The following ZNF474 variants were observed in gnomAD, a reference collection of about 807,000 sequenced individuals.
ZNF474 encodes zinc finger protein 474.
For synonymous variants in ZNF474, 192 were observed against 162.2 expected (o/e 1.18, Z -1.39); for missense variants, 511 against 433.8 (o/e 1.18, Z -1.58).
intron 1 of ZNF474, among the ~76,000 whole-genome samples, chr5:122,134,902 A>T (rs1447396597): frequency 6.6e-6 from 1 of 152,102 alleles, no homozygotes. Flanking sequence ...CTTCTAGAAG[A>T]AAACACTGGG....
chr5:122,145,867 G>A (rs968043356), intron 1 of ZNF474, among the ~76,000 whole-genome samples: 10 of 152,112 alleles, frequency 6.6e-5, no homozygotes, highest in Non-Finnish European at 1.3e-4. Context: ...TGTTACATCC[G>A]TTTGAATTAT....
intron 1 of ZNF474, among the ~76,000 whole-genome samples, chr5:122,134,521 C>T (rs961449568): frequency 1.3e-5 from 2 of 152,222 alleles, no homozygotes; most frequent in Non-Finnish European, 1.5e-5. Context: ...GTAAGCCATA[C>T]ACTCTGCCAT....
At chr5:122,139,802 C>G (rs1428735427) in intron 1 of ZNF474, among the ~76,000 whole-genome samples, 1 of 152,144 alleles carries the variant, frequency 6.6e-6, no homozygotes, top group Non-Finnish European at 1.5e-5. Context: ...CGTTCCTGCC[C>G]TGGGATCCAG....
At chr5:122,142,693 T>C (rs1481309241) in intron 1 of ZNF474, among the ~76,000 whole-genome samples, 6 of 152,296 alleles carry the variant, frequency 3.9e-5, no homozygotes, top group Admixed American at 3.3e-4. Context: ...ATGTGGCCCA[T>C]GAAAGAGAGT....
chr5:122,151,616 G>C (rs1305616849), intron 1 of ZNF474, among the ~76,000 whole-genome samples, 163 bp from the exon 2 acceptor site: 1 of 151,742 alleles, frequency 6.6e-6, no homozygotes, highest in Non-Finnish European at 1.5e-5. Flanking sequence ...AATCCCATAT[G>C]CTGGTTACTG....
chr5:122,132,363 G>T (rs957027160), intron 1 of ZNF474, among the ~76,000 whole-genome samples: 2 of 151,384 alleles, frequency 1.3e-5, no homozygotes, highest in African/African-American at 4.9e-5. Flanking sequence ...AATACCATTG[G>T]GTATTTTAGA....
At chr5:122,150,141 C>A (rs922788714) in intron 1 of ZNF474, among the ~76,000 whole-genome samples, 3 of 152,044 alleles carry the variant, frequency 2.0e-5, no homozygotes, top group African/African-American at 7.3e-5. Flanking sequence ...TGGAAATAAC[C>A]CACGGGCTGG....
intron 1 of ZNF474, among the ~76,000 whole-genome samples, chr5:122,134,552 C>T (rs772474399): frequency 2.6e-5 from 4 of 152,284 alleles, no homozygotes; most frequent in Non-Finnish European, 4.4e-5. Flanking sequence ...AAGCAGTCAA[C>T]GACAAACATA....
At chr5:122,131,774 C>T (rs1272097772) in intron 1 of ZNF474, among the ~76,000 whole-genome samples, 1 of 152,000 alleles carries the variant, frequency 6.6e-6, no homozygotes, top group Admixed American at 6.6e-5. Flanking sequence ...TTTTCATGAA[C>T]TTCTTGGAGA....
rs530332130 is a variant in ZNF474 at position 122,150,527 on chromosome 5, C to T, written c.-212-1252C>T. Among the ~76,000 whole-genome samples the T allele has an allele frequency of 2.4e-4, 37 of 152,146 alleles. No homozygotes were observed. In the East Asian group the frequency reaches 3.5e-3, roughly 14 times the overall value. The stretch of plus-strand genomic sequence containing the variant: ...GCACTGTCCAAACTGAAGTGTTTGC[C>T]GTGATGTAGAGGATCCAGCTTCATA... On this transcript the variant is annotated intron_variant, in intron 1 of 1. Transcript: ENST00000296600.
At position 122,129,578 on chromosome 5, in the gene ZNF474, A is replaced by T. The variant is rs1561435238; in HGVS notation, c.-318A>T. 1 of 152,210 alleles carries T rather than the reference A, an allele frequency of 6.6e-6. No homozygotes were observed. Among genetic ancestry groups the T allele is most frequent in the Non-Finnish European group, 1.5e-5 (1 of 68,040 alleles). The allele number at this position is 152,210 out of a possible 1,614,324, so 9.4% of individuals were successfully genotyped here. ...AAAACTCACACCAGCTCCTGCAAGG[A>T]ATGTGAATCTTGGAGCTCCCAGCTA... On this transcript the variant is annotated 5_prime_UTR_variant, in exon 1 of 2. Coordinates refer to ENST00000296600, the MANE Select transcript of ZNF474 (RefSeq NM_207317.3).
intron 1 of ZNF474, among the ~76,000 whole-genome samples, chr5:122,137,922 C>G (rs771800321): frequency 2.0e-5 from 3 of 152,324 alleles, no homozygotes; most frequent in African/African-American, 4.8e-5. Context: ...GTGGTTGAAA[C>G]AGCCCACAGA....
chr5:122,148,406 C>A (rs567820217), intron 1 of ZNF474, among the ~76,000 whole-genome samples: 1 of 152,200 alleles, frequency 6.6e-6, no homozygotes, highest in Admixed American at 6.5e-5. Flanking sequence ...GATGTTTCAT[C>A]GTGTTTGCTG....
intron 1 of ZNF474, 111 bp from the exon 2 acceptor site, chr5:122,151,667 CA>C (rs199993754): frequency 2.6e-4 from 44 of 172,508 alleles, no homozygotes; most frequent in East Asian, 4.2e-4. Context: ...TTAAAACAAG[CA>C]AAAAAAAAGC....
intron 1 of ZNF474, among the ~76,000 whole-genome samples, chr5:122,137,675 G>C (rs1755737850): frequency 6.6e-6 from 1 of 151,990 alleles, no homozygotes; most frequent in African/African-American, 2.4e-5. Flanking sequence ...GATGAACATG[G>C]ATGGAGCATG....
chr5:122,133,451 T>C (rs908601638), intron 1 of ZNF474, among the ~76,000 whole-genome samples: 2 of 152,308 alleles, frequency 1.3e-5, no homozygotes, highest in African/African-American at 2.4e-5. Flanking sequence ...AGAAAAAATA[T>C]TTTCCAGCAT....
chr5:122,146,969 A>T (rs1756007055), intron 1 of ZNF474, among the ~76,000 whole-genome samples: 1 of 152,252 alleles, frequency 6.6e-6, no homozygotes, highest in East Asian at 1.9e-4. Flanking sequence ...GAGCTTGTAG[A>T]TGTGCCCAGC....
chr5:122,151,555 G>C (rs1001062403), intron 1 of ZNF474, among the ~76,000 whole-genome samples: 1 of 152,084 alleles, frequency 6.6e-6, no homozygotes, highest in South Asian at 2.1e-4. Context: ...TACAGTGATA[G>C]TGCAATTGAT....
intron 1 of ZNF474, among the ~76,000 whole-genome samples, chr5:122,147,551 T>C (rs1756024429): frequency 8.6e-6 from 1 of 115,840 alleles, no homozygotes; most frequent in South Asian, 3.1e-4. Context: ...CAGGCCCCCA[T>C]GTGTGATGTT....
Sources: allele counts gnomAD v4.1 joint callset (sites outside exome capture counted in the v4.1 genomes callset), GRCh38; gene constraint gnomAD v4.1.1; transcripts MANE v1.5; gene names NCBI Gene and HGNC (gene_info 2026-07-23, HGNC 2026-07-21).